The following SPATC1 variants were observed in gnomAD, a reference collection of about 807,000 sequenced individuals.
SPATC1 encodes the protein speriolin.
SPATC1 carries 35 observed loss-of-function variants against 36.5 expected under a neutral mutation model. That is an observed-to-expected ratio of 0.96 (90% CI 0.73 to 1.27). The LOEUF (loss-of-function observed/expected upper bound fraction) is 1.27, where lower values mean the gene tolerates loss of function less well. SPATC1 is among the 50% of genes most tolerant of loss of function. SPATC1 has a pLI of 0.00. For missense variants in SPATC1, 779 were observed against 796.0 expected (o/e 0.98, Z 0.26); for synonymous variants, 361 against 353.6 (o/e 1.02, Z -0.24).
intron 1 of SPATC1, among the ~76,000 whole-genome samples, chr8:144,031,723 C>CTTTCT (rs1333967686): frequency 3.9e-5 from 5 of 129,038 alleles, no homozygotes; most frequent in Admixed American, 1.6e-4. Context: ...TTCTTTCTTT[C>CTTTCT]TTTTTTTTTT....
intron 4 of SPATC1, among the ~76,000 whole-genome samples, chr8:144,042,377 T>A (rs1203575393): frequency 7.3e-6 from 1 of 136,060 alleles, no homozygotes; most frequent in Non-Finnish European, 1.5e-5. Flanking sequence ...TGGAGTGCAA[T>A]GGTGCGATCT....
At chr8:144,036,710 T>C (rs1834905244) in intron 1 of SPATC1, among the ~76,000 whole-genome samples, 1 of 152,058 alleles carries the variant, frequency 6.6e-6, no homozygotes, top group Non-Finnish European at 1.5e-5. Flanking sequence ...ATAGAAGTAG[T>C]GCACTCAGAG....
intron 1 of SPATC1, among the ~76,000 whole-genome samples, chr8:144,038,727 T>C (rs1834981631): frequency 6.6e-6 from 1 of 152,122 alleles, no homozygotes; most frequent in Admixed American, 6.6e-5. Flanking sequence ...GAATTTTACA[T>C]TTTTAAATGG....
intron 4 of SPATC1, 121 bp downstream of exon 4, chr8:144,041,492 G>A (rs1587530549): frequency 1.5e-6 from 2 of 1,298,986 alleles, no homozygotes; most frequent in East Asian, 2.5e-5. Context: ...GATAGAGGAA[G>A]CTGACTGCTC....
At chr8:144,011,605 G>T (rs542386493), upstream of SPATC1, among the ~76,000 whole-genome samples, 10 of 152,258 alleles carry the variant, frequency 6.6e-5, no homozygotes, top group East Asian at 1.7e-3. The surrounding 1 kb of genome is among the most constrained non-coding windows in gnomAD (Gnocchi z 4.5). Context: ...GTACCATAGA[G>T]TTATCTGTAG....
At position 144,022,648 on chromosome 8, in the gene SPATC1, TC is replaced by T. The variant is rs1403456340; in HGVS notation, c.211+9926del. On this transcript the variant is annotated intron_variant, in intron 1 of 4. Coordinates refer to ENST00000377470, the MANE Select transcript of SPATC1 (RefSeq NM_198572.3). ...AAGACCCTCCCACTTCAGGTCTCTC[TC>T]CCCTCAGGACCTTCTCCTCTCACGA... Among the ~76,000 whole-genome samples, 22 of 146,830 alleles carry T rather than the reference TC, an allele frequency of 1.5e-4. No individual in the cohort carries two copies. The South Asian group carries it at 4.5e-3, about 30-fold the overall frequency.
At chr8:144,024,619 A>T (rs1457566278) in intron 1 of SPATC1, among the ~76,000 whole-genome samples, 1 of 149,598 alleles carries the variant, frequency 6.7e-6, no homozygotes, top group Non-Finnish European at 1.5e-5. Flanking sequence ...TCTCCTGAAG[A>T]ACCTGTCCCC....
In SPATC1 at chr8:144,016,343, C is replaced by G. The variant is rs1564266387; in HGVS notation, c.211+3617C>G. Among the ~76,000 whole-genome samples the G allele has an allele frequency of 6.6e-6, 1 of 151,490 alleles. No homozygotes were observed. The highest frequency in any genetic ancestry group is 6.6e-5 in the Admixed American group (1 of 15,180). ...TGTGAGTGAATGTGTGCATATGGCT[C>G]TGTGTGTGTGTGAGTTGCTGTGTGT... On this transcript the variant is annotated intron_variant, in intron 1 of 4. Transcript: ENST00000377470. This position sits in a 1 kb window ranked among gnomAD's most constrained non-coding sequence, Gnocchi z 4.5.
intron 1 of SPATC1, among the ~76,000 whole-genome samples, chr8:144,024,133 ATCC>A (rs1834621438): frequency 2.1e-5 from 3 of 142,512 alleles, no homozygotes; most frequent in Non-Finnish European, 3.1e-5. Context: ...TCACAGGACC[ATCC>A]TACTTCTAGA....
At position 144,045,067 on chromosome 8, in the gene SPATC1, C is replaced by A. The variant is rs1445727836; in HGVS notation, c.1447-1560C>A. On this transcript the variant is annotated intron_variant, in intron 4 of 4. Transcript: ENST00000377470. The surrounding 1 kb of genome is among the most constrained non-coding windows in gnomAD (Gnocchi z 5.2). ...TGCTCACTGGGGCCGCTGCCTGTAA[C>A]CCCCAGTACACTCCTGCAGGAGGCA... Among the ~76,000 whole-genome samples, 2 of 152,240 alleles carry A rather than the reference C, an allele frequency of 1.3e-5. No individual in the cohort carries two copies. Among genetic ancestry groups the A allele is most frequent in the Non-Finnish European group, 2.9e-5 (2 of 68,038 alleles).
intron 1 of SPATC1, among the ~76,000 whole-genome samples, chr8:144,036,887 G>A (rs1177330413): frequency 4.6e-5 from 7 of 151,912 alleles, no homozygotes; most frequent in African/African-American, 1.2e-4. Context: ...AAAATAGCAC[G>A]TCCGTAAGAT....
At chr8:144,026,997 T>C (rs1834695245) in intron 1 of SPATC1, among the ~76,000 whole-genome samples, 1 of 144,662 alleles carries the variant, frequency 6.9e-6, no homozygotes, top group African/African-American at 2.5e-5. Flanking sequence ...CTTTTTTTTT[T>C]TTTTTTTTGG....
chr8:144,012,509 C>T lies in SPATC1; in HGVS notation c.-7C>T, dbSNP rs1834297465. The stretch of plus-strand genomic sequence containing the variant: ...CGTGGGCCGCACCCTTGCCACTGCC[C>T]CAGGGCATGTCTCTACTCACCAATT... On this transcript the variant is annotated 5_prime_UTR_variant, in exon 1 of 5. Transcript: ENST00000377470. 13 of 1,551,672 alleles carry T rather than the reference C, an allele frequency of 8.4e-6. No homozygotes were observed. Among genetic ancestry groups the T allele is most frequent in the Non-Finnish European group, 9.6e-6 (11 of 1,146,960 alleles).
intron 4 of SPATC1, among the ~76,000 whole-genome samples, chr8:144,044,684 C>T (rs1001480079): frequency 5.9e-5 from 9 of 151,700 alleles, no homozygotes; most frequent in African/African-American, 1.5e-4. Flanking sequence ...TGGTGGCTCA[C>T]GCCTGTCATC....
intron 1 of SPATC1, among the ~76,000 whole-genome samples, chr8:144,031,455 T>C (rs1404111011): frequency 9.9e-4 from 88 of 89,012 alleles, no homozygotes; most frequent in East Asian, 2.1e-3. Flanking sequence ...TTTTTCTTTT[T>C]TTTTTTTTTT....
At chr8:144,018,345 A>G (rs1159640564) in intron 1 of SPATC1, among the ~76,000 whole-genome samples, 1 of 152,180 alleles carries the variant, frequency 6.6e-6, no homozygotes, top group Non-Finnish European at 1.5e-5. Flanking sequence ...GAGAAAATGG[A>G]GAGAAAAGAT....
intron 1 of SPATC1, among the ~76,000 whole-genome samples, chr8:144,027,227 GC>G (rs1306786259): frequency 6.6e-6 from 1 of 152,004 alleles, no homozygotes; most frequent in Non-Finnish European, 1.5e-5. Flanking sequence ...TGCCACCTCG[GC>G]CGCCCAAAGT....
chr8:144,027,885 C>T (rs1022633489), intron 1 of SPATC1, among the ~76,000 whole-genome samples: 29 of 151,834 alleles, frequency 1.9e-4, no homozygotes, highest in East Asian at 3.9e-4. Context: ...CCCAGCTACT[C>T]GGGAGGCTGA....
chr8:144,033,944 G>A (rs1415326562), intron 1 of SPATC1, among the ~76,000 whole-genome samples: 1 of 152,212 alleles, frequency 6.6e-6, no homozygotes, highest in Non-Finnish European at 1.5e-5. Flanking sequence ...TGGGGAGATA[G>A]TCCTTGGGCT....
Sources: gnomAD v4.1 joint callset for allele counts (sites outside exome capture counted in the v4.1 genomes callset) on GRCh38, gnomAD v4.1.1 for gene constraint, Gnocchi (gnomAD v3.1) non-coding constraint, MANE v1.5 for transcripts, NCBI Gene and HGNC (gene_info 2026-07-23, HGNC 2026-07-21) for gene names.